Variants in PEX14 observed in about 807,000 individuals in gnomAD.
The protein encoded by PEX14 is peroxisomal membrane protein PEX14.
Under a neutral mutation model 49.5 loss-of-function variants are expected in PEX14, and 15 were observed. The ratio of observed to expected loss-of-function variants is 0.30; its 90% CI spans 0.20 to 0.47. The LOEUF (loss-of-function observed/expected upper bound fraction) is 0.47. Ranked by LOEUF, PEX14 falls within the 20% of genes least tolerant of loss-of-function variation. The pLI is 1.00. For missense variants in PEX14, 398 were observed against 494.8 expected, an observed-to-expected ratio of 0.80 and a Z score of 1.86; for synonymous variants, 210 against 212.7, an observed-to-expected ratio of 0.99 and a Z score of 0.11.
intron 3 of PEX14, among the ~76,000 whole-genome samples, chr1:10,567,644 A>G (rs114425920): frequency 0.16 from 23,666 of 151,970 alleles, 2,116 homozygotes; most frequent in South Asian, 0.31. Context: ...ACACGCATGC[A>G]CCACCACGCC....
At chr1:10,534,342 G>A (rs923206858) in intron 2 of PEX14, among the ~76,000 whole-genome samples, 17 of 151,962 alleles carry the variant, frequency 1.1e-4, no homozygotes, top group Admixed American at 1.1e-3. Context: ...CAGGGGCCTC[G>A]CTTCCGTTGG....
intron 5 of PEX14, among the ~76,000 whole-genome samples, chr1:10,620,291 C>CAATAAAATAA (rs59926174): frequency 3.1e-3 from 440 of 142,380 alleles, no homozygotes; most frequent in East Asian, 0.014. Context: ...CTCTACCAAA[C>CAATAAAATAA]AATAAAATAA....
At chr1:10,548,699 G>T (rs778110293) in intron 3 of PEX14, among the ~76,000 whole-genome samples, 5 of 152,144 alleles carry the variant, frequency 3.3e-5, no homozygotes, top group Non-Finnish European at 7.4e-5. Flanking sequence ...TGCTAGGTTG[G>T]TCATTCCACA....
chr1:10,557,849 T>TA (rs372668255), intron 3 of PEX14, among the ~76,000 whole-genome samples: 6 of 150,146 alleles, frequency 4.0e-5, no homozygotes, highest in Non-Finnish European at 7.4e-5. Context: ...TTTTTTTTTT[T>TA]AATGATTTTA....
At chr1:10,497,076 C>G (rs1479752424) in intron 2 of PEX14, among the ~76,000 whole-genome samples, 1 of 152,030 alleles carries the variant, frequency 6.6e-6, no homozygotes, top group Non-Finnish European at 1.5e-5. Context: ...ACCCTTTCTC[C>G]TTCCCCCACT....
chr1:10,509,091 C>A (rs1641840531), intron 2 of PEX14, among the ~76,000 whole-genome samples: 1 of 152,210 alleles, frequency 6.6e-6, no homozygotes. Flanking sequence ...CGCCCGCCGC[C>A]ACGTCCGGCT....
chr1:10,526,918 A>G (rs1638500654), intron 2 of PEX14, among the ~76,000 whole-genome samples: 2 of 152,084 alleles, frequency 1.3e-5, no homozygotes, highest in Admixed American at 6.5e-5. Flanking sequence ...GGTGGGTCTA[A>G]AGAAAATTCT....
At chr1:10,548,740 G>C (rs1639250431) in intron 3 of PEX14, among the ~76,000 whole-genome samples, 1 of 152,146 alleles carries the variant, frequency 6.6e-6, no homozygotes, top group South Asian at 2.1e-4. Flanking sequence ...TTGAAGTAAA[G>C]GTAACTCACT....
At chr1:10,484,169 A>G (rs1177750768) in intron 1 of PEX14, among the ~76,000 whole-genome samples, 1 of 120,124 alleles carries the variant, frequency 8.3e-6, no homozygotes, top group Non-Finnish European at 2.0e-5. Context: ...CTGGGATTAC[A>G]GGCGCCCACC....
In PEX14 at chr1:10,629,812, G is replaced by GGGAGGACAA; in HGVS notation, c.967_975dup (p.Lys323_Asp325dup). 6.3e-7 allele frequency: 1 copy of GGGAGGACAA among 1,592,494 alleles called. No individual in the cohort carries two copies. Among genetic ancestry groups the GGGAGGACAA allele is most frequent in the Non-Finnish European group, 8.6e-7 (1 of 1,164,418 alleles). Reference sequence around the variant, plus strand: ...GAGGTGCAAGGCGAGGAGGAGAAGAGGGAGGACAAGGAGGACGAGGAGGAT... The same window carrying GGGAGGACAA: ...GAGGTGCAAGGCGAGGAGGAGAAGAGGGAGGACAAGGAGGACAAGGAGGACGAGGAGGAT... On this transcript the variant is annotated inframe_insertion, in exon 9 of 9. Transcript: ENST00000356607. This position sits in a 1 kb window ranked among gnomAD's most constrained non-coding sequence, Gnocchi z 8.5.
chr1:10,505,570 G>T (rs1408294894), intron 2 of PEX14, among the ~76,000 whole-genome samples: 3 of 152,128 alleles, frequency 2.0e-5, no homozygotes, highest in Admixed American at 2.0e-4. Flanking sequence ...TAGAGACAGG[G>T]TCCCACCGTG....
chr1:10,577,424 C>T (rs1375172771), intron 3 of PEX14, among the ~76,000 whole-genome samples: 1 of 81,800 alleles, frequency 1.2e-5, no homozygotes, highest in Non-Finnish European at 2.7e-5. Flanking sequence ...AAAAAAAAAC[C>T]AAAAAACAAT....
chr1:10,550,578 C>T (rs544449316), intron 3 of PEX14, among the ~76,000 whole-genome samples: 2 of 152,204 alleles, frequency 1.3e-5, no homozygotes, highest in Non-Finnish European at 2.9e-5. Context: ...TGAGATGATA[C>T]GGTACAGACT....
At chr1:10,589,939 G>A (rs1640610391) in intron 3 of PEX14, among the ~76,000 whole-genome samples, 3 of 152,178 alleles carry the variant, frequency 2.0e-5, no homozygotes, top group South Asian at 2.1e-4. Flanking sequence ...CAATACATCT[G>A]AATGATAGGC....
In PEX14 at chr1:10,492,881, T is replaced by C. The variant is rs907426137; in HGVS notation, c.37-2393T>C. On this transcript the variant is annotated intron_variant, in intron 1 of 8. Transcript: ENST00000356607. ...GGCATCAGTCCGATAGTCACACAGA[T>C]GTAAAGTTGCACATCTGCTCAGGTC... 2.0e-5 allele frequency among the ~76,000 whole-genome samples: 3 copies of C among 152,180 alleles called. No individual in the cohort carries two copies. The East Asian group carries it at 5.8e-4, about 29-fold the overall frequency.
At chr1:10,519,351 A>G (rs915651086) in intron 2 of PEX14, among the ~76,000 whole-genome samples, 1 of 152,108 alleles carries the variant, frequency 6.6e-6, no homozygotes, top group Admixed American at 6.5e-5. Context: ...GCTTTGGGAA[A>G]AGCAAACAGA....
intron 4 of PEX14, among the ~76,000 whole-genome samples, chr1:10,615,141 A>G (rs1039596739): frequency 9.2e-5 from 14 of 152,210 alleles, no homozygotes; most frequent in Non-Finnish European, 1.9e-4. Context: ...GAGTGGGGGA[A>G]GTCCTTGCTA....
intron 3 of PEX14, among the ~76,000 whole-genome samples, chr1:10,586,720 AGCTCCACCTCCTGG>A (rs1382704458): frequency 2.1e-5 from 3 of 143,374 alleles, no homozygotes; most frequent in African/African-American, 7.8e-5. Context: ...GCTCACTGCA[AGCTCCACCTCCTGG>A]GTTCACGCCA....
intron 1 of PEX14, among the ~76,000 whole-genome samples, chr1:10,476,250 T>TAGCAGTGTGAATGATTC (rs1553181093): frequency 6.6e-6 from 1 of 152,194 alleles, no homozygotes; most frequent in Admixed American, 6.5e-5. Context: ...CAGTTTCTAT[T>TAGCAGTGTGAATGATTC]AGCAGTGTGA....
Sources: gnomAD v4.1 joint callset for allele counts (sites outside exome capture counted in the v4.1 genomes callset) on GRCh38, gnomAD v4.1.1 for gene constraint, Gnocchi (gnomAD v3.1) non-coding constraint, MANE v1.5 for transcripts, NCBI Gene and HGNC (gene_info 2026-07-23, HGNC 2026-07-21) for gene names.